The following AKAP13 variants were observed in gnomAD, a reference collection of about 807,000 sequenced individuals.
AKAP13 encodes the protein A-kinase anchoring protein 13.
AKAP13 carries 80 observed loss-of-function variants against 264.5 expected under a neutral mutation model. The observed-to-expected ratio is 0.30, with a 90% confidence interval of 0.25 to 0.36. The LOEUF (loss-of-function observed/expected upper bound fraction) is 0.36, where lower values mean the gene tolerates loss of function less well. AKAP13 is among the 10% of genes least tolerant of loss of function. The pLI, the probability that AKAP13 is intolerant of heterozygous loss-of-function variation, is 1.00. For synonymous variants in AKAP13, 1,380 were observed against 1,250.2 expected, an observed-to-expected ratio of 1.10 and a Z score of -2.19; for missense variants, 3,712 against 3,435.2, an observed-to-expected ratio of 1.08 and a Z score of -2.01.
At chr15:85,491,243 G>T (rs1205683570) in intron 2 of AKAP13, among the ~76,000 whole-genome samples, 2 of 152,034 alleles carry the variant, frequency 1.3e-5, no homozygotes. Context: ...TCCTATCCCT[G>T]TGTGTACTCA....
chr15:85,731,206 A>G (rs141160788), intron 30 of AKAP13, among the ~76,000 whole-genome samples: 2,892 of 152,026 alleles, frequency 0.019, 54 homozygotes, highest in Middle Eastern at 0.044. Context: ...GGGTTTCACC[A>G]TGTTGGCCAA....
At chr15:85,549,922 A>G (rs1349287825) in intron 5 of AKAP13, among the ~76,000 whole-genome samples, 2 of 151,926 alleles carry the variant, frequency 1.3e-5, no homozygotes, top group Non-Finnish European at 2.9e-5. Context: ...GTCATCTCTG[A>G]TTGATTGATT....
In AKAP13 at chr15:85,745,020, A is replaced by AG. The variant is rs532062322; in HGVS notation, c.*345dup. 2.0e-4 allele frequency: 44 copies of AG among 220,008 alleles called. No homozygotes were observed. Among genetic ancestry groups the AG allele is most frequent in the African/African-American group, 9.2e-4 (40 of 43,590 alleles). The allele number at this position is 220,008 out of a possible 1,614,324, so 13.6% of individuals were successfully genotyped here. A position where few individuals can be genotyped will look rare whatever the true frequency, so the allele number is the denominator to read the frequency against. On this transcript the variant is annotated 3_prime_UTR_variant, in exon 37 of 37. Transcript: ENST00000394518. Reference sequence around the variant, plus strand: ...AAGGCTGAAAGAGTGTATCCAAGTAAGGTCTGAACCTCCGAATGCCTTTTA... The same window carrying AG: ...AAGGCTGAAAGAGTGTATCCAAGTAAGGGTCTGAACCTCCGAATGCCTTTTA...
rs188866863 is a variant in AKAP13, at chr15:85,696,066, A to G, written c.5464+2615A>G. ...TACATACATAACATAAAAATTACATACAAGTCCTACTGTGCCATACTTTCC... is the reference window on the plus strand; with the variant it reads ...TACATACATAACATAAAAATTACATGCAAGTCCTACTGTGCCATACTTTCC... On this transcript the variant is annotated intron_variant, in intron 17 of 36. Transcript: ENST00000394518. Among the ~76,000 whole-genome samples the G allele has an allele frequency of 3.6e-3, 541 of 152,366 alleles. 3 individuals are homozygous for G. The highest frequency in any genetic ancestry group is 5.3e-3 in the Non-Finnish European group (358 of 68,036).
chr15:85,460,811 A>G (rs1045635639), intron 1 of AKAP13, among the ~76,000 whole-genome samples: 1 of 152,246 alleles, frequency 6.6e-6, no homozygotes, highest in South Asian at 2.1e-4. Flanking sequence ...GCAAGTGCCC[A>G]CTAGAAGCTG....
chr15:85,661,860 C>A (rs2083362599), intron 12 of AKAP13, among the ~76,000 whole-genome samples: 1 of 147,066 alleles, frequency 6.8e-6, no homozygotes. Flanking sequence ...CATGCAGAAT[C>A]TATTAATGTC....
At chr15:85,732,206 T>C (rs2088100324) in intron 30 of AKAP13, among the ~76,000 whole-genome samples, 1 of 152,070 alleles carries the variant, frequency 6.6e-6, no homozygotes. Flanking sequence ...GACGTGACCA[T>C]AGTAGTCTTT....
intron 1 of AKAP13, among the ~76,000 whole-genome samples, chr15:85,476,775 A>C (rs2075177792): frequency 6.6e-6 from 1 of 152,194 alleles, no homozygotes; most frequent in Non-Finnish European, 1.5e-5. Flanking sequence ...GTTGTCTCTA[A>C]TCTTAATGAG....
At chr15:85,652,573 T>C (rs141989604) in intron 10 of AKAP13, among the ~76,000 whole-genome samples, 189 of 152,338 alleles carry the variant, frequency 1.2e-3, no homozygotes, top group African/African-American at 4.4e-3. Context: ...TTTAGGCAGC[T>C]AAGCGTGAGT....
Position 85,567,945 on chromosome 15 carries a change from T to G in AKAP13, c.663-7186T>G, listed in dbSNP as rs1016009053. The stretch of plus-strand genomic sequence containing the variant: ...ACCTATTAAATAGCCCAAAGAGGTG[T>G]GTGTGTGTGTGTGTGTGTGTGTGTG... On this transcript the variant is annotated intron_variant, in intron 5 of 36. Transcript: ENST00000394518. Among the ~76,000 whole-genome samples, 18 of 99,092 alleles carry G rather than the reference T, an allele frequency of 1.8e-4. No individual in the cohort carries two copies. In the East Asian group the frequency reaches 3.0e-3, roughly 17 times the overall value. 65.0% of individuals were successfully genotyped at this position (99,092 alleles called of 152,430 possible).
At chr15:85,604,966 A>G (rs1016304538) in intron 8 of AKAP13, among the ~76,000 whole-genome samples, 1 of 152,192 alleles carries the variant, frequency 6.6e-6, no homozygotes, top group Non-Finnish European at 1.5e-5. Context: ...GAGAGATGTT[A>G]ATAATCTATA....
At chr15:85,688,655 G>T (rs2085082780) in intron 16 of AKAP13, among the ~76,000 whole-genome samples, 1 of 152,178 alleles carries the variant, frequency 6.6e-6, no homozygotes, top group Non-Finnish European at 1.5e-5. Flanking sequence ...AAGCCAGTAG[G>T]CAGTAAACTG....
At chr15:85,502,410 A>T (rs944026655) in intron 2 of AKAP13, among the ~76,000 whole-genome samples, 2 of 152,238 alleles carry the variant, frequency 1.3e-5, no homozygotes, top group Non-Finnish European at 2.9e-5. Flanking sequence ...TTTAATCTTA[A>T]GCAGTTAAGT....
intron 10 of AKAP13, among the ~76,000 whole-genome samples, chr15:85,650,572 A>G (rs563595026): frequency 3.3e-5 from 5 of 151,702 alleles, no homozygotes; most frequent in Admixed American, 1.3e-4. Context: ...CCTGGCCAAC[A>G]TGGTGAAACC....
chr15:85,580,496 G>T lies in AKAP13; in HGVS notation c.2428G>T (p.Glu810Ter). The T allele has an allele frequency of 6.2e-7, 1 of 1,614,208 alleles. No individual in the cohort carries two copies. The highest frequency in any genetic ancestry group is 8.5e-7 in the Non-Finnish European group (1 of 1,180,040). ...DALSFVPSQK[E>*]KGTATPELHT... Reference sequence around the variant, plus strand: ...ACTTTCTTTTGTCCCCTCCCAGAAAGAAAAGGGAACAGCAACTCCTGAACT... The same window carrying T: ...ACTTTCTTTTGTCCCCTCCCAGAAATAAAAGGGAACAGCAACTCCTGAACT... The change falls in exon 7 of 37, where the codon GAA (glutamate) becomes TAA (stop). Residue 810 changes from glutamate to a stop codon, truncating the protein, a stop_gained. Coordinates refer to ENST00000394518, the MANE Select transcript of AKAP13 (RefSeq NM_007200.5). LOFTEE classifies it high-confidence loss of function.
intron 1 of AKAP13, among the ~76,000 whole-genome samples, chr15:85,447,430 C>T (rs916815331): frequency 4.6e-5 from 7 of 152,094 alleles, no homozygotes; most frequent in Admixed American, 6.5e-5. Flanking sequence ...CACAGATAAA[C>T]ACATGTCACG....
At chr15:85,519,034 A>G (rs796701532) in intron 2 of AKAP13, among the ~76,000 whole-genome samples, 16 of 152,304 alleles carry the variant, frequency 1.1e-4, no homozygotes, top group African/African-American at 3.6e-4. Flanking sequence ...TATGAGGACA[A>G]AATTCTTGAT....
chr15:85,620,244 GT>G, intron 8 of AKAP13: 1 of 1,416,614 alleles, frequency 7.1e-7, no homozygotes, highest in South Asian at 1.2e-5. Flanking sequence ...CGGTAGCCAT[GT>G]CCCTGGCCCT....
At chr15:85,591,154 G>A (rs1240676861) in intron 8 of AKAP13, among the ~76,000 whole-genome samples, 1 of 152,168 alleles carries the variant, frequency 6.6e-6, no homozygotes, top group Admixed American at 6.5e-5. Flanking sequence ...ATTCAGGATA[G>A]TTAAATGACT....
Sources: allele counts gnomAD v4.1 joint callset (sites outside exome capture counted in the v4.1 genomes callset), GRCh38; gene constraint gnomAD v4.1.1; transcripts MANE v1.5; gene names NCBI Gene and HGNC (gene_info 2026-07-23, HGNC 2026-07-21).